Variants in STARD10 observed in about 807,000 individuals in gnomAD.
STARD10 encodes the protein StAR related lipid transfer domain containing 10.
STARD10 carries 24 observed loss-of-function variants against 36.0 expected under a neutral mutation model. The ratio of observed to expected loss-of-function variants is 0.67; its 90% confidence interval spans 0.48 to 0.94. The LOEUF is 0.94. STARD10 is among the 40% of genes least tolerant of loss of function. The pLI, the probability that STARD10 is intolerant of heterozygous loss-of-function variation, is 0.00. For synonymous variants in STARD10, 156 were observed against 161.9 expected, an observed-to-expected ratio of 0.96 and a Z score of 0.28; for missense variants, 335 against 396.6, an observed-to-expected ratio of 0.84 and a Z score of 1.32.
At chr11:72,758,014 T>C (rs1858667146) in intron 4 of STARD10, 130 bp from the exon 5 acceptor site, 1 of 836,494 alleles carries the variant, frequency 1.2e-6, no homozygotes, top group South Asian at 1.5e-5. Flanking sequence ...CTGTTACAGA[T>C]CAGTCCTGAT....
At chr11:72,784,672 C>T (rs1177700638) in intron 1 of STARD10, among the ~76,000 whole-genome samples, 2 of 152,174 alleles carry the variant, frequency 1.3e-5, no homozygotes, top group Non-Finnish European at 2.9e-5. Flanking sequence ...CAGTCCCCTG[C>T]CCCAGATATG....
rs369105000 is a variant in STARD10 at position 72,786,262 on chromosome 11, G to A, written c.-113-4968C>T. On this transcript the variant is annotated intron_variant, in intron 1 of 6. Transcript: ENST00000334805. ...AGCTAGTCAGAAGGCTGAGGCAAGAGGATGGCTTGAGCCCGGGAGATCAAG... is the reference window on the plus strand; with the variant it reads ...AGCTAGTCAGAAGGCTGAGGCAAGAAGATGGCTTGAGCCCGGGAGATCAAG... Among the ~76,000 whole-genome samples, 115 of 152,242 alleles carry A rather than the reference G, an allele frequency of 7.6e-4. No individual in the cohort carries two copies. The South Asian group carries it at 0.023, about 30-fold the overall frequency.
At chr11:72,771,327 C>G (rs1015616343) in intron 2 of STARD10, among the ~76,000 whole-genome samples, 1 of 152,120 alleles carries the variant, frequency 6.6e-6, no homozygotes, top group Non-Finnish European at 1.5e-5. Flanking sequence ...GGCTGGCTTG[C>G]CTAGAGCTGG....
intron 1 of STARD10, among the ~76,000 whole-genome samples, chr11:72,786,388 C>T (rs1859071437): frequency 6.6e-6 from 1 of 152,046 alleles, no homozygotes; most frequent in South Asian, 2.1e-4. Flanking sequence ...GGTTCAGCAC[C>T]AAGAACTCTG....
At chr11:72,782,666 G>C (rs1311882957) in intron 1 of STARD10, 1 of 152,336 alleles carries the variant, frequency 6.6e-6, no homozygotes, top group Non-Finnish European at 1.5e-5. Flanking sequence ...TCCCCAGGCA[G>C]AGTTGGCCAG....
At chr11:72,755,868 A>T (rs1858637947) in intron 5 of STARD10, 115 bp from the exon 6 acceptor site, 1 of 972,764 alleles carries the variant, frequency 1.0e-6, no homozygotes, top group South Asian at 1.6e-5. Context: ...CCCCATGAGG[A>T]GGAGGTGTGT....
At chr11:72,769,623 T>C (rs974085304) in intron 2 of STARD10, among the ~76,000 whole-genome samples, 7 of 152,042 alleles carry the variant, frequency 4.6e-5, no homozygotes, top group African/African-American at 1.7e-4. Context: ...GGATTGCAGG[T>C]GTGAGCCACT....
chr11:72,787,626 TCGATTG>T (rs1217989711), intron 1 of STARD10, among the ~76,000 whole-genome samples: 1 of 152,212 alleles, frequency 6.6e-6, no homozygotes, highest in East Asian at 1.9e-4. Context: ...GGAACTCAGT[TCGATTG>T]CGGGGTCGAT....
rs568787267 is a variant in STARD10 at position 72,793,925 on chromosome 11, C to A, written c.-1164G>T. 5 of 152,362 alleles carry A rather than the reference C, an allele frequency of 3.3e-5. No homozygotes were observed. The highest frequency in any genetic ancestry group is 6.5e-5 in the Admixed American group (1 of 15,308). The allele number at this position is 152,362 out of a possible 1,614,324, so 9.4% of individuals were successfully genotyped here. ...TCCACAGCCCAACAACGGCGGCGAT[C>A]TGAGGAGAGGCAGGAGAAAATACGG... is the stretch of plus-strand genomic sequence containing the variant. On this transcript the variant is annotated 5_prime_UTR_variant, in exon 1 of 7. Coordinates refer to ENST00000334805, the MANE Select transcript of STARD10 (RefSeq NM_006645.3).
chr11:72,765,061 A>G (rs1308371317), intron 2 of STARD10, among the ~76,000 whole-genome samples: 1 of 152,210 alleles, frequency 6.6e-6, no homozygotes, highest in African/African-American at 2.4e-5. Context: ...TGAGGTTGGG[A>G]GTTCAAGACC....
intron 1 of STARD10, among the ~76,000 whole-genome samples, chr11:72,789,678 G>C (rs1859117237): frequency 6.6e-6 from 1 of 152,182 alleles, no homozygotes; most frequent in Non-Finnish European, 1.5e-5. Flanking sequence ...GGACTGGTGT[G>C]GGTGGAATTC....
rs1280052041 is a variant in STARD10, at chr11:72,792,924, G to C, written c.-163C>G. The C allele has an allele frequency of 6.5e-6, 1 of 152,816 alleles. No individual in the cohort carries two copies. The highest frequency in any genetic ancestry group is 1.9e-4 in the East Asian group (1 of 5,212). 9.5% of individuals were successfully genotyped at this position (152,816 alleles called of 1,614,324 possible). A position where few individuals can be genotyped will look rare whatever the true frequency, so the allele number is the denominator to read the frequency against. On this transcript the variant is annotated 5_prime_UTR_variant, in exon 1 of 7. Coordinates refer to ENST00000334805, the MANE Select transcript of STARD10 (RefSeq NM_006645.3). ...CCAGCAACACTCTCCTCTTCCTCCAGAATTCTCCAGATCCTCCTCAGCTTC... is the reference window on the plus strand; with the variant it reads ...CCAGCAACACTCTCCTCTTCCTCCACAATTCTCCAGATCCTCCTCAGCTTC...
At chr11:72,764,919 T>G (rs1479176386) in intron 2 of STARD10, among the ~76,000 whole-genome samples, 6 of 151,986 alleles carry the variant, frequency 3.9e-5, no homozygotes, top group Non-Finnish European at 8.8e-5. Flanking sequence ...TGGGCTTGAG[T>G]ACGTTTAAAG....
At chr11:72,775,482 C>T (rs911771590) in intron 2 of STARD10, among the ~76,000 whole-genome samples, 1 of 152,104 alleles carries the variant, frequency 6.6e-6, no homozygotes, top group African/African-American at 2.4e-5. Context: ...AATGTACTAC[C>T]CTGTGATCCA....
chr11:72,784,267 A>G (rs1052487085), intron 1 of STARD10, among the ~76,000 whole-genome samples: 1 of 152,142 alleles, frequency 6.6e-6, no homozygotes, highest in Admixed American at 6.5e-5. Context: ...CTGGGAGAGG[A>G]GTCTGGGGAG....
At chr11:72,775,542 G>A (rs1319931276) in intron 2 of STARD10, among the ~76,000 whole-genome samples, 4 of 152,036 alleles carry the variant, frequency 2.6e-5, no homozygotes, top group Non-Finnish European at 4.4e-5. Flanking sequence ...CTCCCGACAC[G>A]ATCAAACTTG....
In STARD10 at chr11:72,759,383, T is replaced by G. The variant is rs1316876045; in HGVS notation, c.208-2A>C. 11 of 1,613,576 alleles carry G rather than the reference T, an allele frequency of 6.8e-6. No individual in the cohort carries two copies. The highest frequency in any genetic ancestry group is 9.3e-6 in the Non-Finnish European group (11 of 1,179,838). ...CACATCACAGCACTCCATCCGGCACTGCAGACAAGATATATGGGTTGTCAG... is the reference window on the plus strand; with the variant it reads ...CACATCACAGCACTCCATCCGGCACGGCAGACAAGATATATGGGTTGTCAG... On this transcript the variant is annotated splice_acceptor_variant, in intron 2 of 6. Coordinates refer to ENST00000334805, the MANE Select transcript of STARD10 (RefSeq NM_006645.3). LOFTEE classifies it high-confidence loss of function.
At chr11:72,788,963 C>G (rs1859109002) in intron 1 of STARD10, among the ~76,000 whole-genome samples, 1 of 152,194 alleles carries the variant, frequency 6.6e-6, no homozygotes, top group African/African-American at 2.4e-5. Flanking sequence ...TCAAGTGGTC[C>G]TCTCTCGTCA....
At chr11:72,780,588 G>A (rs1314091856) in intron 2 of STARD10, 1 of 363,004 alleles carries the variant, frequency 2.8e-6, no homozygotes, top group Non-Finnish European at 5.4e-6. Context: ...CAGGAATCAG[G>A]GAGAGAAGGG....
Sources: allele counts gnomAD v4.1 joint callset (sites outside exome capture counted in the v4.1 genomes callset), GRCh38; gene constraint gnomAD v4.1.1; transcripts MANE v1.5; gene names NCBI Gene and HGNC (gene_info 2026-07-23, HGNC 2026-07-21).